SLC17A2: variants seen among roughly 807,000 people sequenced by gnomAD.
SLC17A2 encodes sodium-dependent phosphate transport protein 3.
SLC17A2 carries 38 observed loss-of-function variants against 52.1 expected under a neutral mutation model. The observed-to-expected ratio is 0.73, with a 90% CI of 0.56 to 0.96. The LOEUF (loss-of-function observed/expected upper bound fraction) is 0.96. SLC17A2 is among the 40% of genes least tolerant of loss of function. SLC17A2 has a pLI of 0.00. For missense variants in SLC17A2, 508 were observed against 583.9 expected (o/e 0.87, Z 1.34); for synonymous variants, 226 against 211.9 (o/e 1.07, Z -0.58).
At chr6:25,926,579 G>A (rs1766772834) in intron 1 of SLC17A2, among the ~76,000 whole-genome samples, 1 of 152,022 alleles carries the variant, frequency 6.6e-6, no homozygotes, top group African/African-American at 2.4e-5. Context: ...CTCTAAATAT[G>A]GACATGTTTA....
rs1198044295 is a variant in SLC17A2, at chr6:25,916,959, T to G, written c.768+10A>C. 3.7e-6 allele frequency: 6 copies of G among 1,600,262 alleles called. No individual in the cohort carries two copies. The highest frequency in any genetic ancestry group is 5.1e-6 in the Non-Finnish European group (6 of 1,167,810). ...CTGCATGGGCCACAGGTACAAGGTG[T>G]GCACTGTACCTGTTGAGCCAGTGAG... is the stretch of plus-strand genomic sequence containing the variant. On this transcript the variant is annotated intron_variant, in intron 7 of 11. Coordinates refer to ENST00000377850, the MANE Select transcript of SLC17A2 (RefSeq NM_001286123.3).
intron 3 of SLC17A2, among the ~76,000 whole-genome samples, 178 bp downstream of exon 3, chr6:25,923,517 C>A (rs1766635624): frequency 6.6e-6 from 1 of 152,126 alleles, no homozygotes; most frequent in Non-Finnish European, 1.5e-5. Context: ...ATCATAATAA[C>A]CTCAATGAAA....
At position 25,919,657 on chromosome 6, in the gene SLC17A2, G is replaced by T. The variant is rs147964551; in HGVS notation, c.563-1084C>A. 4.8e-3 allele frequency among the ~76,000 whole-genome samples: 621 copies of T among 129,752 alleles called. 13 individuals are homozygous for T. The East Asian group carries it at 0.055, about 12-fold the overall frequency. The allele number at this position is 129,752 out of a possible 152,430, so 85.1% of individuals were successfully genotyped here. ...GGAGCTTGCAGTGAGCCGAGATAGC[G>T]CTACTGCAGTCCGGCCTGGGCGAAA... On this transcript the variant is annotated intron_variant, in intron 5 of 11. Transcript: ENST00000377850.
chr6:25,918,208 G>A (rs951252343), intron 6 of SLC17A2, among the ~76,000 whole-genome samples: 6 of 152,198 alleles, frequency 3.9e-5, no homozygotes, highest in Admixed American at 3.9e-4. Context: ...TTCTGCAGAA[G>A]GTGCTTGATA....
chr6:25,916,003 C>G (rs1766298888), intron 8 of SLC17A2, 135 bp from the exon 9 acceptor site: 2 of 715,500 alleles, frequency 2.8e-6, no homozygotes, highest in African/African-American at 1.8e-5. Context: ...TCCTTTTTCA[C>G]ACTAAAAGAA....
At chr6:25,916,012 A>G (rs1766299228) in intron 8 of SLC17A2, 144 bp from the exon 9 acceptor site, 2 of 676,454 alleles carry the variant, frequency 3.0e-6, no homozygotes, top group Non-Finnish European at 2.5e-6. Flanking sequence ...ACACTAAAAG[A>G]ACACTGTCTC....
At chr6:25,922,284 A>G (rs1309277555) in intron 3 of SLC17A2, among the ~76,000 whole-genome samples, 1 of 152,222 alleles carries the variant, frequency 6.6e-6, no homozygotes, top group African/African-American at 2.4e-5. Context: ...CCAGAAAGGA[A>G]GCAATACTTG....
In SLC17A2 at chr6:25,923,885, C is replaced by A; in HGVS notation, c.50G>T (p.Arg17Leu). The change falls in exon 3 of 12, where the codon CGC becomes CTC. Residue 17 changes from arginine to leucine, a missense_variant. Coordinates refer to ENST00000377850, the MANE Select transcript of SLC17A2 (RefSeq NM_001286123.3). ...GTGCATGATAAGAGCCAGCCCATAG[C>A]GTAATGAACAGAAATCTGGACCTAG... ...TRKGPDFCSL[R>L]YGLALIMHFS... 6.2e-7 allele frequency: 1 copy of A among 1,614,052 alleles called. No homozygotes were observed.
rs764089590 is a variant in SLC17A2 at position 25,921,097 on chromosome 6, A to G, written c.475-4T>C. ...ACTGACCTGTCCATGCCATTCCCTG[A>G]AATGAAAATCATTAAGACCTTTGAT... On this transcript the variant is annotated splice_region_variant and splice_polypyrimidine_tract_variant and intron_variant, in intron 4 of 11. Coordinates refer to ENST00000377850, the MANE Select transcript of SLC17A2 (RefSeq NM_001286123.3). 3 of 1,614,162 alleles carry G rather than the reference A, an allele frequency of 1.9e-6. No homozygotes were observed. Among genetic ancestry groups the G allele is most frequent in the Non-Finnish European group, 1.7e-6 (2 of 1,180,000 alleles).
At position 25,915,920 on chromosome 6, in the gene SLC17A2, A is replaced by C. The variant is rs777254049; in HGVS notation, c.931-52T>G. 3 of 1,575,532 alleles carry C rather than the reference A, an allele frequency of 1.9e-6. No homozygotes were observed. In the East Asian group the frequency reaches 6.8e-5, roughly 36 times the overall value. On this transcript the variant is annotated intron_variant, in intron 8 of 11. Coordinates refer to ENST00000377850, the MANE Select transcript of SLC17A2 (RefSeq NM_001286123.3). ...AGTTATAGAGATACGTTAGCACCAA[A>C]ATTTGTCAGTTACACAGACCAGCCA...
chr6:25,921,523 G>T, intron 3 of SLC17A2, 111 bp from the exon 4 acceptor site: 1 of 704,136 alleles, frequency 1.4e-6, no homozygotes, highest in Non-Finnish European at 2.3e-6. Flanking sequence ...ATTGATTTTT[G>T]TTTCTCTCTA....
At chr6:25,924,766 G>A (rs1163158328) in intron 2 of SLC17A2, among the ~76,000 whole-genome samples, 2 of 150,098 alleles carry the variant, frequency 1.3e-5, no homozygotes, top group East Asian at 3.9e-4. Context: ...CCAAGATCAT[G>A]TCACTGTACT....
intron 10 of SLC17A2, 26 bp from the exon 11 acceptor site, chr6:25,914,696 A>G (rs772597838): frequency 6.9e-7 from 1 of 1,454,518 alleles, no homozygotes; most frequent in Non-Finnish European, 9.6e-7. Flanking sequence ...TTTATAAATG[A>G]TTTTATATAG....
intron 3 of SLC17A2, among the ~76,000 whole-genome samples, chr6:25,923,160 C>T (rs1352036182): frequency 6.6e-6 from 1 of 152,096 alleles, no homozygotes; most frequent in Non-Finnish European, 1.5e-5. Flanking sequence ...GCACTCCAGC[C>T]TGAATGACAG....
chr6:25,915,976 T>A, intron 8 of SLC17A2, 108 bp from the exon 9 acceptor site: 1 of 1,057,060 alleles, frequency 9.5e-7, no homozygotes. Context: ...TGTGGGTTGT[T>A]TGGGGGAAAA....
At position 25,918,477 on chromosome 6, in the gene SLC17A2, A is replaced by G. The variant is rs1581562431; in HGVS notation, c.649+10T>C. The G allele has an allele frequency of 6.3e-7, 1 of 1,597,134 alleles. No homozygotes were observed. The highest frequency in any genetic ancestry group is 1.7e-5 in the Admixed American group (1 of 59,964). Reference sequence around the variant, plus strand: ...ATGGAGGCGTTAGGATTTAAGAGAAAGTGACTCACCAAAGATGTAGAAGAT... The same window carrying G: ...ATGGAGGCGTTAGGATTTAAGAGAAGGTGACTCACCAAAGATGTAGAAGAT... On this transcript the variant is annotated intron_variant, in intron 6 of 11. Coordinates refer to ENST00000377850, the MANE Select transcript of SLC17A2 (RefSeq NM_001286123.3).
chr6:25,923,714 A>G lies in SLC17A2; in HGVS notation c.221T>C (p.Ile74Thr), dbSNP rs764616685. Residue 74 changes from isoleucine (I) to threonine (T), a missense_variant, in exon 3 of 12, where the codon ATC (isoleucine) becomes ACC (threonine). Coordinates refer to ENST00000377850, the MANE Select transcript of SLC17A2 (RefSeq NM_001286123.3). ...ACTTACCTTTGTATCAAATTCCTTG[A>G]TGGATATGCTGGAGTTATTGAAGGC... ...ADAFNNSSIS[I>T]KEFDTKASVY... is the part of the protein sequence containing the mutation. 4 of 1,614,002 alleles carry G rather than the reference A, an allele frequency of 2.5e-6. No homozygotes were observed. The highest frequency in any genetic ancestry group is 3.4e-6 in the Non-Finnish European group (4 of 1,179,928).
At chr6:25,919,713 A>T (rs1221324986) in intron 5 of SLC17A2, among the ~76,000 whole-genome samples, 3 of 148,092 alleles carry the variant, frequency 2.0e-5, no homozygotes, top group African/African-American at 7.3e-5. Flanking sequence ...AAAAAAAAAA[A>T]AAAAAAAAAA....
chr6:25,921,343 G>A lies in SLC17A2; in HGVS notation c.310C>T (p.Leu104=). Residue 104 remains leucine, a synonymous_variant, in exon 4 of 12, where the codon CTG becomes TTG. Coordinates refer to ENST00000377850, the MANE Select transcript of SLC17A2 (RefSeq NM_001286123.3). Reference sequence around the variant, plus strand: ...AAATATCCACTTGGGATCAGAGTCAGTATTATCCCATAGTTGATGGAGCTA... The same window carrying A: ...AAATATCCACTTGGGATCAGAGTCAATATTATCCCATAGTTGATGGAGCTA... ...IFSSINYGII[L]TLIPSGYLAG... The A allele has an allele frequency of 1.2e-6, 2 of 1,614,102 alleles. No homozygotes were observed. Among genetic ancestry groups the A allele is most frequent in the Non-Finnish European group, 1.7e-6 (2 of 1,179,978 alleles).
Sources: gnomAD v4.1 joint callset for allele counts (sites outside exome capture counted in the v4.1 genomes callset) on GRCh38, gnomAD v4.1.1 for gene constraint, MANE v1.5 for transcripts, NCBI Gene and HGNC (gene_info 2026-07-23, HGNC 2026-07-21) for gene names.